MAGEC1: variants seen among roughly 807,000 people sequenced by gnomAD.
The protein encoded by MAGEC1 is MAGE family member C1.
In MAGEC1, 3 loss-of-function variants were observed where a neutral mutation model predicts 1.5. That is an observed-to-expected ratio of 1.97 (90% CI 0.90 to 5.10). MAGEC1 has a LOEUF of 5.10. MAGEC1 is among the 30% of genes most tolerant of loss of function. MAGEC1 has a pLI of 0.02. For missense variants in MAGEC1, 985 were observed against 803.1 expected, an observed-to-expected ratio of 1.23 and a Z score of -2.74; for synonymous variants, 357 against 310.4, an observed-to-expected ratio of 1.15 and a Z score of -1.58.
chrX:141,905,099 C>T (rs1271208141), intron 3 of MAGEC1, 23 bp downstream of exon 3: 1 of 1,210,161 alleles, frequency 8.3e-7, no homozygotes, highest in Admixed American at 2.2e-5. Context: ...GCTGAGGCCA[C>T]TGGCACTGTC....
At chrX:141,904,202 A>G (rs1255026772) in intron 1 of MAGEC1, among the ~76,000 whole-genome samples, 1 of 112,021 alleles carries the variant, frequency 8.9e-6, no homozygotes, top group African/African-American at 3.2e-5. Flanking sequence ...CTCAGAGGAC[A>G]GATTCCCAGA....
chrX:141,906,102 T>A lies in MAGEC1; in HGVS notation c.698T>A (p.Leu233His). 1 of 947,329 alleles carries A rather than the reference T, an allele frequency of 1.1e-6. No individual in the cohort carries two copies. Among genetic ancestry groups the A allele is most frequent in the Non-Finnish European group, 1.5e-6 (1 of 681,233 alleles). The allele number at this position is 947,329 out of a possible 1,213,427, so 78.1% of individuals were successfully genotyped here. Residue 233 changes from leucine to histidine, a missense_variant, in exon 4 of 4, where the codon CTC becomes CAC. Leu to His is a moderately conservative substitution (Grantham distance 99). Transcript: ENST00000285879. ...TTTGAGGGTTTTGCCCAGTCTCCTCTCCAGATTCCTGTGAGCCCCTCCTCC... is the reference window on the plus strand; with the variant it reads ...TTTGAGGGTTTTGCCCAGTCTCCTCACCAGATTCCTGTGAGCCCCTCCTCC... ...STFEGFAQSP[L>H]QIPVSPSSSS...
In MAGEC1 at chrX:141,908,899, C is replaced by T. The variant is rs1384921216; in HGVS notation, c.*66C>T. On this transcript the variant is annotated 3_prime_UTR_variant, in exon 4 of 4. Transcript: ENST00000285879. ...GTCGAGTTTCTACGTGGTGGAGGGC[C>T]TGGTTGAGGCTGGAGAGAACACAGT... is the stretch of plus-strand genomic sequence containing the variant. 2 of 953,213 alleles carry T rather than the reference C, an allele frequency of 2.1e-6. No homozygotes were observed. Among genetic ancestry groups the T allele is most frequent in the Non-Finnish European group, 2.9e-6 (2 of 697,529 alleles). 78.6% of individuals were successfully genotyped at this position (953,213 alleles called of 1,213,427 possible).
Position 141,904,130 on chromosome X carries a change from G to T in MAGEC1, c.-202+152G>T, listed in dbSNP as rs141058922. Among the ~76,000 whole-genome samples, 462 of 111,851 alleles carry T rather than the reference G, an allele frequency of 4.1e-3. 5 individuals are homozygous for T. The highest frequency in any genetic ancestry group is 0.014 in the African/African-American group (427 of 30,805). On this transcript the variant is annotated intron_variant, in intron 1 of 3. Coordinates refer to ENST00000285879, the MANE Select transcript of MAGEC1 (RefSeq NM_005462.5). Reference sequence around the variant, plus strand: ...GTGTCCTCACGGCAGAAGAAGGGAGGAAATGCCGGCCCTCTAGAGAATAAA... The same window carrying T: ...GTGTCCTCACGGCAGAAGAAGGGAGTAAATGCCGGCCCTCTAGAGAATAAA...
At position 141,908,356 on chromosome X, in the gene MAGEC1, T is replaced by C. The variant is rs1927024037; in HGVS notation, c.2952T>C (p.Ser984=). 3 of 1,209,552 alleles carry C rather than the reference T, an allele frequency of 2.5e-6. No individual in the cohort carries two copies. The highest frequency in any genetic ancestry group is 3.4e-6 in the Non-Finnish European group (3 of 895,143). Residue 984 remains serine (S), a synonymous_variant, in exon 4 of 4, where the codon TCT becomes TCC. Transcript: ENST00000285879. The part of the protein sequence containing the change: ...YVFVNTLDLT[S]EGCLSDEQGM... ...TTGTAAACACATTAGACCTCACCTC[T>C]GAGGGGTGTCTGAGTGATGAGCAGG...
intron 3 of MAGEC1, 101 bp from the exon 4 acceptor site, chrX:141,905,308 T>A: frequency 1.1e-6 from 1 of 875,599 alleles, no homozygotes; most frequent in Non-Finnish European, 1.6e-6. Flanking sequence ...AGGAGGAAGC[T>A]TCCTCCATTT....
At position 141,906,918 on chromosome X, in the gene MAGEC1, C is replaced by T; in HGVS notation, c.1514C>T (p.Thr505Ile). ...AGTTCCCCTGAGTGTACTCAAAGTACTTTTGAGGGTTTTCCCCAGTCTCCT... is the reference window on the plus strand; with the variant it reads ...AGTTCCCCTGAGTGTACTCAAAGTATTTTTGAGGGTTTTCCCCAGTCTCCT... ...FQSSPECTQSTFEGFPQSPLQ... is the reference protein window; with the variant it reads ...FQSSPECTQSIFEGFPQSPLQ... Residue 505 changes from threonine to isoleucine, a missense_variant, in exon 4 of 4, where the codon ACT becomes ATT. Transcript: ENST00000285879. 8.3e-7 allele frequency: 1 copy of T among 1,210,595 alleles called. No homozygotes were observed. Among genetic ancestry groups the T allele is most frequent in the African/African-American group, 1.7e-5 (1 of 57,346 alleles).
chrX:141,904,967 C>G lies in MAGEC1; in HGVS notation c.-103-3C>G, dbSNP rs1400368753. Reference sequence around the variant, plus strand: ...CGAGGTGCTTTCTCGCGTCCTTCTACAGGTTCCCAGAAGACAAACCCCCTA... The same window carrying G: ...CGAGGTGCTTTCTCGCGTCCTTCTAGAGGTTCCCAGAAGACAAACCCCCTA... On this transcript the variant is annotated splice_polypyrimidine_tract_variant and splice_region_variant and intron_variant, in intron 2 of 3. Coordinates refer to ENST00000285879, the MANE Select transcript of MAGEC1 (RefSeq NM_005462.5). The G allele has an allele frequency of 3.5e-6, 4 of 1,150,295 alleles. No individual in the cohort carries two copies. The highest frequency in any genetic ancestry group is 4.7e-6 in the Non-Finnish European group (4 of 843,218). 94.8% of individuals were successfully genotyped at this position (1,150,295 alleles called of 1,213,427 possible). A position where few individuals can be genotyped will look rare whatever the true frequency, so the allele number is the denominator to read the frequency against.
rs1926937973 is a variant in MAGEC1, at chrX:141,906,884, CTT to C, written c.1483_1484del (p.Phe495ProfsTer5). 1 of 1,207,941 alleles carries C rather than the reference CTT, an allele frequency of 8.3e-7. No individual in the cohort carries two copies. Among genetic ancestry groups the C allele is most frequent in the African/African-American group, 1.8e-5 (1 of 56,736 alleles). ...SSSSSSTLLS[L>X]FQSSPECTQS... ...CTCCTCCTCCTCCACTTTATTGAGT[CTT>C]TTCCAGAGTTCCCCTGAGTGTACTC... On this transcript the variant is annotated frameshift_variant, in exon 4 of 4. Coordinates refer to ENST00000285879, the MANE Select transcript of MAGEC1 (RefSeq NM_005462.5). LOFTEE classifies it low-confidence loss of function (END_TRUNC).
intron 3 of MAGEC1, 43 bp downstream of exon 3, chrX:141,905,119 C>T: frequency 8.3e-7 from 1 of 1,208,440 alleles, no homozygotes; most frequent in African/African-American, 1.7e-5. Flanking sequence ...CCCTCTCTCC[C>T]TCAGTCCTGT....
In MAGEC1 at chrX:141,907,577, C is replaced by T. The variant is rs768279920; in HGVS notation, c.2173C>T (p.His725Tyr). 1 of 1,199,029 alleles carries T rather than the reference C, an allele frequency of 8.3e-7. No homozygotes were observed. Among genetic ancestry groups the T allele is most frequent in the Admixed American group, 2.2e-5 (1 of 45,080 alleles). ...PEWEDSLSPLHFPQFPPQGED... is the reference protein window; with the variant it reads ...PEWEDSLSPLYFPQFPPQGED... ...GTGGGAGGACTCCCTCTCTCCTCTC[C>T]ACTTTCCTCAGTTTCCTCCTCAGGG... Residue 725 changes from histidine to tyrosine, a missense_variant, in exon 4 of 4, where the codon CAC (histidine) becomes TAC (tyrosine). His to Tyr is a moderately conservative substitution (Grantham distance 83). Coordinates refer to ENST00000285879, the MANE Select transcript of MAGEC1 (RefSeq NM_005462.5).
Position 141,907,397 on chromosome X carries a change from A to T in MAGEC1, c.1993A>T (p.Ser665Cys), listed in dbSNP as rs1569477932. 8.3e-7 allele frequency: 1 copy of T among 1,202,558 alleles called. No individual in the cohort carries two copies. The highest frequency in any genetic ancestry group is 1.8e-5 in the African/African-American group (1 of 55,036). ...PVQSPLHSPQ[S>C]PPEGMHSQSP... The stretch of plus-strand genomic sequence containing the variant: ...CCAGTCTCCTCTCCATAGTCCTCAG[A>T]GCCCTCCTGAGGGGATGCACTCCCA... The change falls in exon 4 of 4, where the codon AGC becomes TGC. Residue 665 changes from serine (S) to cysteine (C), a missense_variant. Ser to Cys is a moderately radical substitution (Grantham distance 112). Coordinates refer to ENST00000285879, the MANE Select transcript of MAGEC1 (RefSeq NM_005462.5).
In MAGEC1 at chrX:141,905,862, GTCCTTT is replaced by G; in HGVS notation, c.460_465del (p.Pro154_Phe155del). 1 of 1,201,463 alleles carries G rather than the reference GTCCTTT, an allele frequency of 8.3e-7. No homozygotes were observed. On this transcript the variant is annotated inframe_deletion, in exon 4 of 4. Transcript: ENST00000285879. ...CAGAGTTCCCCTGAGAGTACTCAAA[GTCCTTT>G]TGAGGGTTTTCCCCAGTCTGTTCTC...
chrX:141,907,710 G>A lies in MAGEC1; in HGVS notation c.2306G>A (p.Gly769Glu). The change falls in exon 4 of 4, where the codon GGG (glycine) becomes GAG (glutamate). Residue 769 changes from glycine to glutamate, a missense_variant. Transcript: ENST00000285879. ...GAGAGTCCTCAGAGTCCTCCTGAGG[G>A]GCCTGCTCAGTCTCCTCTCCAGAGA... is the stretch of plus-strand genomic sequence containing the variant. ...FPESPQSPPE[G>E]PAQSPLQRPV... 8.3e-7 allele frequency: 1 copy of A among 1,208,636 alleles called. No homozygotes were observed. The highest frequency in any genetic ancestry group is 1.8e-5 in the South Asian group (1 of 56,720).
In MAGEC1 at chrX:141,905,068, C is replaced by T; in HGVS notation, c.-5C>T. 2 of 1,212,061 alleles carry T rather than the reference C, an allele frequency of 1.7e-6. No homozygotes were observed. The highest frequency in any genetic ancestry group is 2.2e-6 in the Non-Finnish European group (2 of 895,509). On this transcript the variant is annotated 5_prime_UTR_variant, in exon 3 of 4. Transcript: ENST00000285879. ...AGCTGTAAGCCGGCCTTTGTCAGAGCCATCATGGGTGAGTTTCTCAGCTGA... is the reference window on the plus strand; with the variant it reads ...AGCTGTAAGCCGGCCTTTGTCAGAGTCATCATGGGTGAGTTTCTCAGCTGA...
chrX:141,904,985 A>AC lies in MAGEC1; in HGVS notation c.-83dup. The AC allele has an allele frequency of 8.4e-7, 1 of 1,193,334 alleles. No homozygotes were observed. The highest frequency in any genetic ancestry group is 3.0e-5 in the East Asian group (1 of 33,705). Reference sequence around the variant, plus strand: ...CCTTCTACAGGTTCCCAGAAGACAAACCCCCTAGGAAGACAGGCGACCTGT... The same window carrying AC: ...CCTTCTACAGGTTCCCAGAAGACAAACCCCCCTAGGAAGACAGGCGACCTGT... On this transcript the variant is annotated 5_prime_UTR_variant, in exon 3 of 4. Coordinates refer to ENST00000285879, the MANE Select transcript of MAGEC1 (RefSeq NM_005462.5).
rs866835044 is a variant in MAGEC1 at position 141,907,505 on chromosome X, G to T, written c.2101G>T (p.Gly701Ter). The T allele has an allele frequency of 8.3e-7, 1 of 1,200,305 alleles. No homozygotes were observed. The highest frequency in any genetic ancestry group is 3.0e-5 in the East Asian group (1 of 33,458). The change falls in exon 4 of 4, where the codon GGA becomes TGA. Residue 701 changes from glycine (G) to a stop codon, truncating the protein, a stop_gained. Coordinates refer to ENST00000285879, the MANE Select transcript of MAGEC1 (RefSeq NM_005462.5). LOFTEE classifies it low-confidence loss of function (END_TRUNC). ...PLQIPQSPLEGEDSLSSLHFP... is the reference protein window; with the variant it reads ...PLQIPQSPLE ...CCAAATTCCTCAGAGTCCTCTTGAG[G>T]GAGAGGACTCCCTGTCTTCTCTCCA...
chrX:141,904,083 T>C (rs748385927), intron 1 of MAGEC1, 105 bp downstream of exon 1: 10 of 111,062 alleles, frequency 9.0e-5, no homozygotes, highest in African/African-American at 3.3e-4. Flanking sequence ...GAAACGAAGA[T>C]GGTAGCCGAG....
Position 141,905,855 on chromosome X carries a change from A to G in MAGEC1, c.451A>G (p.Thr151Ala), listed in dbSNP as rs1297496548. 8.3e-7 allele frequency: 1 copy of G among 1,202,824 alleles called. No individual in the cohort carries two copies. Among genetic ancestry groups the G allele is most frequent in the Non-Finnish European group, 1.1e-6 (1 of 891,102 alleles). ...TATTTTCCAGAGTTCCCCTGAGAGT[A>G]CTCAAAGTCCTTTTGAGGGTTTTCC... Reference protein sequence around the residue: ...LSIFQSSPESTQSPFEGFPQS... With the variant: ...LSIFQSSPESAQSPFEGFPQS... Residue 151 changes from threonine (T) to alanine (A), a missense_variant, in exon 4 of 4, where the codon ACT becomes GCT. Coordinates refer to ENST00000285879, the MANE Select transcript of MAGEC1 (RefSeq NM_005462.5).
Sources: allele counts gnomAD v4.1 joint callset (sites outside exome capture counted in the v4.1 genomes callset), GRCh38; gene constraint gnomAD v4.1.1; transcripts MANE v1.5; gene names NCBI Gene and HGNC (gene_info 2026-07-23, HGNC 2026-07-21).